Variants in KIRREL2 observed in about 807,000 individuals in gnomAD.
The protein encoded by KIRREL2 is kin of IRRE-like protein 2.
Under a neutral mutation model 73.4 loss-of-function variants are expected in KIRREL2, and 56 were observed. That is an observed-to-expected ratio of 0.76 (90% confidence interval 0.62 to 0.95). The LOEUF (loss-of-function observed/expected upper bound fraction) is 0.95. Among genes scored for constraint, KIRREL2 ranks in the 40% least tolerant of loss-of-function variants. The pLI is 0.00. For missense variants in KIRREL2, 896 were observed against 935.0 expected (o/e 0.96, Z 0.54); for synonymous variants, 407 against 404.0 (o/e 1.01, Z -0.09).
intron 13 of KIRREL2, among the ~76,000 whole-genome samples, chr19:35,863,427 T>A (rs1413503887): frequency 6.8e-6 from 1 of 147,532 alleles, no homozygotes; most frequent in African/African-American, 2.6e-5. Context: ...TGTCTCCATT[T>A]TTTTTTTTTT....
chr19:35,854,163 A>T (rs1202154217), upstream of KIRREL2, among the ~76,000 whole-genome samples: 6 of 150,880 alleles, frequency 4.0e-5, no homozygotes, highest in Non-Finnish European at 8.9e-5. Context: ...AATTTTTTTT[A>T]AATGTTTTTG....
rs572058460 is a variant in KIRREL2, at chr19:35,866,160, C to T, written c.1795C>T (p.Pro599Ser). 6.2e-7 allele frequency: 1 copy of T among 1,606,130 alleles called. No homozygotes were observed. The highest frequency in any genetic ancestry group is 1.1e-5 in the South Asian group (1 of 90,238). The change falls in exon 15 of 15, where the codon CCA (proline) becomes TCA (serine). Residue 599 changes from proline (P) to serine (S), a missense_variant. Coordinates refer to ENST00000360202, the MANE Select transcript of KIRREL2 (RefSeq NM_199180.4). ...TGAGTCCCATTTGTCCCCTCAGGACCCAACCAACGGTTACTACAAGGTCCG... is the reference window on the plus strand; with the variant it reads ...TGAGTCCCATTTGTCCCCTCAGGACTCAACCAACGGTTACTACAAGGTCCG... ...EEEGTLETKD[P>S]TNGYYKVRGV...
chr19:35,851,524 C>A (rs780892794), upstream of KIRREL2: 1 of 1,613,744 alleles, frequency 6.2e-7, no homozygotes, highest in Non-Finnish European at 8.5e-7. Flanking sequence ...GGCCCAGGAG[C>A]AGCCCATCTT....
rs1198955551 is a variant in KIRREL2 at position 35,857,083 on chromosome 19, C to T, written c.-37C>T. ...GAGAGGAAGAAGTTGACGGGAAGGCCAGTGCGACGGCAAATCTCGTGAACC... is the reference window on the plus strand; with the variant it reads ...GAGAGGAAGAAGTTGACGGGAAGGCTAGTGCGACGGCAAATCTCGTGAACC... On this transcript the variant is annotated 5_prime_UTR_variant, in exon 1 of 15. Coordinates refer to ENST00000360202, the MANE Select transcript of KIRREL2 (RefSeq NM_199180.4). 2.5e-6 allele frequency: 4 copies of T among 1,611,444 alleles called. No homozygotes were observed. The South Asian group carries it at 4.4e-5, about 18-fold the overall frequency.
upstream of KIRREL2, chr19:35,855,980 C>T (rs558482695): frequency 6.6e-6 from 1 of 152,336 alleles, no homozygotes; most frequent in African/African-American, 2.4e-5. Flanking sequence ...GTCCAACCCC[C>T]ACTCCCAACC....
chr19:35,861,315 G>A, intron 9 of KIRREL2, 61 bp downstream of exon 9: 2 of 1,506,560 alleles, frequency 1.3e-6, no homozygotes, highest in Non-Finnish European at 1.8e-6. Flanking sequence ...CGGACAGAGG[G>A]GGCAAGGGCT....
In KIRREL2 at chr19:35,862,974, A is replaced by G; in HGVS notation, c.1663A>G (p.Ser555Gly). ...AAAGAACCTGATGCGAATCCCTGGCAGCAGCGACGGCTCCAGTTCACGAGG... is the reference window on the plus strand; with the variant it reads ...AAAGAACCTGATGCGAATCCCTGGCGGCAGCGACGGCTCCAGTTCACGAGG... Reference protein sequence around the residue: ...EQKNLMRIPGSSDGSSSRGPE... With the variant: ...EQKNLMRIPGGSDGSSSRGPE... Residue 555 changes from serine to glycine, a missense_variant, in exon 13 of 15, where the codon AGC becomes GGC. Coordinates refer to ENST00000360202, the MANE Select transcript of KIRREL2 (RefSeq NM_199180.4). The G allele has an allele frequency of 6.3e-7, 1 of 1,593,214 alleles. No individual in the cohort carries two copies. Among genetic ancestry groups the G allele is most frequent in the Non-Finnish European group, 8.5e-7 (1 of 1,170,196 alleles).
upstream of KIRREL2, chr19:35,856,846 G>A (rs1973441131): frequency 3.7e-6 from 2 of 540,346 alleles, no homozygotes; most frequent in African/African-American, 3.9e-5. This position sits in a 1 kb window ranked among gnomAD's most constrained non-coding sequence, Gnocchi z 5.9. Context: ...AACGGGAAGA[G>A]GGCGGAGCTC....
Position 35,861,960 on chromosome 19 carries a change from C to G in KIRREL2, c.1446C>G (p.Ser482Arg), listed in dbSNP as rs1483984469. 4 of 1,613,324 alleles carry G rather than the reference C, an allele frequency of 2.5e-6. No individual in the cohort carries two copies. The highest frequency in any genetic ancestry group is 2.5e-6 in the Non-Finnish European group (3 of 1,179,792). ...SGTQESDFSR[S>R]FNCSARNRLG... ...CCCAGGAGTCTGACTTTAGCAGGAG[C>G]TTTAACTGCAGTGCCCGGAACCGGC... Residue 482 changes from serine to arginine, a missense_variant, in exon 11 of 15, where the codon AGC becomes AGG. By Grantham distance (110) the Ser-to-Arg change is moderately radical. Transcript: ENST00000360202.
intron 4 of KIRREL2, among the ~76,000 whole-genome samples, chr19:35,859,157 T>C (rs1291228494): frequency 6.6e-6 from 1 of 152,178 alleles, no homozygotes; most frequent in Non-Finnish European, 1.5e-5. Flanking sequence ...TAGGGTATTG[T>C]GAGAATTAAA....
At chr19:35,851,521 G>A (rs757063027), upstream of KIRREL2, 1 of 1,613,798 alleles carries the variant, frequency 6.2e-7, no homozygotes, top group Non-Finnish European at 8.5e-7. Context: ...CGGGGCCCAG[G>A]AGCAGCCCAT....
Position 35,860,603 on chromosome 19 carries a change from C to T in KIRREL2, c.864C>T (p.Pro288=). The stretch of plus-strand genomic sequence containing the variant: ...CAGACGCCTCGTTCCTGACTGAGCC[C>T]GTGTCCTGCGAGGTCAGCAACGCCG... ...VVADASFLTE[P]VSCEVSNAVG... Residue 288 remains proline, a synonymous_variant, in exon 7 of 15, where the codon CCC becomes CCT. Transcript: ENST00000360202. The T allele has an allele frequency of 6.2e-7, 1 of 1,603,830 alleles. No individual in the cohort carries two copies. The highest frequency in any genetic ancestry group is 1.3e-5 in the African/African-American group (1 of 75,050).
chr19:35,859,502 C>A lies in KIRREL2; in HGVS notation c.544C>A (p.Pro182Thr). The A allele has an allele frequency of 6.2e-7, 1 of 1,614,138 alleles. No individual in the cohort carries two copies. Among genetic ancestry groups the A allele is most frequent in the Non-Finnish European group, 8.5e-7 (1 of 1,179,996 alleles). ...FHQTLLKEGT[P>T]GSVESTLTLT... is the part of the protein sequence containing the mutation. ...CCAGACCCTGCTGAAGGAAGGGACC[C>A]CTGGGTCAGTGGAGAGCACCTTAAC... The change falls in exon 5 of 15, where the codon CCT becomes ACT. Residue 182 changes from proline (P) to threonine (T), a missense_variant. Physicochemically the swap from Pro to Thr is conservative, Grantham distance 38 (BLOSUM62 -1). Transcript: ENST00000360202.
chr19:35,851,442 G>A (rs557105895), upstream of KIRREL2: 4 of 1,613,110 alleles, frequency 2.5e-6, no homozygotes, highest in African/African-American at 1.3e-5. Flanking sequence ...AGGGTCTCAG[G>A]CTCTGATCCC....
At chr19:35,858,897 C>T (rs1243118110) in intron 4 of KIRREL2, 33 bp downstream of exon 4, 1 of 1,610,710 alleles carries the variant, frequency 6.2e-7, no homozygotes. Context: ...AGCCTTTGCC[C>T]ATTGAGGGAA....
At chr19:35,862,822 AC>A in intron 12 of KIRREL2, 104 bp from the exon 13 acceptor site, 1 of 751,968 alleles carries the variant, frequency 1.3e-6, no homozygotes, top group East Asian at 2.7e-5. Flanking sequence ...CAACAGCCCT[AC>A]CCAATCAGCC....
Position 35,866,317 on chromosome 19 carries a change from C to A in KIRREL2, c.1952C>A (p.Pro651His), listed in dbSNP as rs370493250. Residue 651 changes from proline to histidine, a missense_variant, in exon 15 of 15, where the codon CCC becomes CAC. Pro to His is a moderately conservative substitution (Grantham distance 77). Transcript: ENST00000360202. Reference protein sequence around the residue: ...DFNPHLGMVPPCRLYRARAGY... With the variant: ...DFNPHLGMVPHCRLYRARAGY... Reference sequence around the variant, plus strand: ...AACCCACACCTGGGCATGGTCCCCCCCTGCAGACTTTACAGAGCCAGGGCA... The same window carrying A: ...AACCCACACCTGGGCATGGTCCCCCACTGCAGACTTTACAGAGCCAGGGCA... 3.1e-6 allele frequency: 5 copies of A among 1,612,644 alleles called. No homozygotes were observed. The highest frequency in any genetic ancestry group is 1.3e-5 in the African/African-American group (1 of 74,932).
Position 35,864,452 on chromosome 19 carries a change from A to C in KIRREL2, c.1726-196A>C, listed in dbSNP as rs405821. Among the ~76,000 whole-genome samples, 607 of 152,128 alleles carry C rather than the reference A, an allele frequency of 4.0e-3. 5 individuals are homozygous for C. The highest frequency in any genetic ancestry group is 0.014 in the African/African-American group (574 of 41,492). On this transcript the variant is annotated intron_variant, in intron 13 of 14. Coordinates refer to ENST00000360202, the MANE Select transcript of KIRREL2 (RefSeq NM_199180.4). ...TGATACTCCTGCTGCGGCCTCCCAA[A>C]GTGCTGGGATTACATGCATGAGCCA...
At chr19:35,862,679 G>A (rs1973759767) in intron 12 of KIRREL2, 82 bp downstream of exon 12, 1 of 1,053,642 alleles carries the variant, frequency 9.5e-7, no homozygotes, top group African/African-American at 1.6e-5. Context: ...ACCTGGCCTT[G>A]GGCCTTGGCT....
Sources: allele counts gnomAD v4.1 joint callset (sites outside exome capture counted in the v4.1 genomes callset), GRCh38; gene constraint gnomAD v4.1.1; non-coding constraint Gnocchi (gnomAD v3.1); transcripts MANE v1.5; gene names NCBI Gene and HGNC (gene_info 2026-07-23, HGNC 2026-07-21).